The following TRPC6 variants were observed in gnomAD, a reference collection of about 807,000 sequenced individuals.
The protein encoded by TRPC6 is short transient receptor potential channel 6.
TRPC6 carries 55 observed loss-of-function variants against 90.7 expected under a neutral mutation model. The ratio of observed to expected loss-of-function variants is 0.61; its 90% CI spans 0.49 to 0.76. The LOEUF is 0.76. Ranked by LOEUF, TRPC6 falls within the 30% of genes least tolerant of loss-of-function variation. TRPC6 has a pLI of 0.00. For synonymous variants in TRPC6, 393 were observed against 393.0 expected (o/e 1.00, Z 0.00); for missense variants, 989 against 1,122.7 (o/e 0.88, Z 1.70).
intron 10 of TRPC6, among the ~76,000 whole-genome samples, chr11:101,464,352 T>G (rs1397102489): frequency 6.6e-6 from 1 of 151,958 alleles, no homozygotes; most frequent in Non-Finnish European, 1.5e-5. Flanking sequence ...TATCTTTAAT[T>G]TTCTGTCTTG....
chr11:101,536,905 C>T (rs981680422), intron 1 of TRPC6, among the ~76,000 whole-genome samples: 3 of 152,032 alleles, frequency 2.0e-5, no homozygotes, highest in South Asian at 2.1e-4. Context: ...GAGACTATTG[C>T]GGTACTCCAG....
At chr11:101,523,662 G>A (rs1375649881) in intron 1 of TRPC6, among the ~76,000 whole-genome samples, 1 of 152,152 alleles carries the variant, frequency 6.6e-6, no homozygotes, top group Non-Finnish European at 1.5e-5. Flanking sequence ...TCATTTCACA[G>A]ATACTTATTG....
Position 101,524,345 on chromosome 11 carries a change from T to A in TRPC6, c.171-19547A>T, listed in dbSNP as rs182409098. Among the ~76,000 whole-genome samples, 758 of 152,228 alleles carry A rather than the reference T, an allele frequency of 5.0e-3. 7 individuals are homozygous for A. Among genetic ancestry groups the A allele is most frequent in the South Asian group, 4.6e-3 (22 of 4,820 alleles). ...CTCACTGCAAGCTCCACCACCCAGG[T>A]TCACGCCATTCTACTGCCTCAGCCT... On this transcript the variant is annotated intron_variant, in intron 1 of 12. Coordinates refer to ENST00000344327, the MANE Select transcript of TRPC6 (RefSeq NM_004621.6).
intron 1 of TRPC6, among the ~76,000 whole-genome samples, chr11:101,573,217 T>TGAAATCATTTTGTATAAGGCAGGCATTA: frequency 2.0e-5 from 3 of 147,228 alleles, no homozygotes; most frequent in East Asian, 6.3e-4. Flanking sequence ...ATTTCACAAA[T>TGAAATCATTTTGTATAAGGCAGGCATTA]ATTTCTTGAG....
intron 10 of TRPC6, among the ~76,000 whole-genome samples, chr11:101,466,537 G>A (rs1200316257): frequency 6.6e-6 from 1 of 152,236 alleles, no homozygotes; most frequent in Non-Finnish European, 1.5e-5. Context: ...CTCAGCAATA[G>A]TGGATGGCCC....
chr11:101,478,608 T>G (rs1050480947), intron 5 of TRPC6, among the ~76,000 whole-genome samples: 1 of 152,122 alleles, frequency 6.6e-6, no homozygotes, highest in South Asian at 2.1e-4. Context: ...AAAGTTCGTG[T>G]CTCATTTGTC....
intron 1 of TRPC6, among the ~76,000 whole-genome samples, chr11:101,529,744 C>T (rs1183409242): frequency 6.6e-6 from 1 of 152,184 alleles, no homozygotes; most frequent in Admixed American, 6.5e-5. Flanking sequence ...CTCATATACC[C>T]ACACAGCAAG....
chr11:101,537,942 G>A (rs4360666), intron 1 of TRPC6, among the ~76,000 whole-genome samples: 23,394 of 152,074 alleles, frequency 0.15, 1,969 homozygotes, highest in Admixed American at 0.19. Context: ...GTAGTTTTAA[G>A]CGTATACATA....
At chr11:101,479,615 TC>T (rs1859499862) in intron 5 of TRPC6, among the ~76,000 whole-genome samples, 1 of 152,224 alleles carries the variant, frequency 6.6e-6, no homozygotes, top group African/African-American at 2.4e-5. Flanking sequence ...AGTACAACTT[TC>T]TTTCAAGAAT....
At chr11:101,556,735 A>G (rs1861568172) in intron 1 of TRPC6, among the ~76,000 whole-genome samples, 1 of 152,180 alleles carries the variant, frequency 6.6e-6, no homozygotes, top group South Asian at 2.1e-4. Context: ...TACCAAAGCC[A>G]GATGAGAGCT....
intron 11 of TRPC6, among the ~76,000 whole-genome samples, chr11:101,453,956 G>T (rs1858825067): frequency 6.6e-6 from 1 of 152,146 alleles, no homozygotes; most frequent in African/African-American, 2.4e-5. Context: ...TCTTAGAAAA[G>T]AATGTTTAGA....
intron 1 of TRPC6, among the ~76,000 whole-genome samples, chr11:101,515,951 GTTATT>G (rs113558542): frequency 1.7e-3 from 264 of 152,138 alleles, no homozygotes; most frequent in African/African-American, 5.9e-3. Context: ...CTTTATAGGT[GTTATT>G]TTATTTAATT....
chr11:101,516,882 G>A (rs1252435200), intron 1 of TRPC6, among the ~76,000 whole-genome samples: 1 of 152,234 alleles, frequency 6.6e-6, no homozygotes, highest in Non-Finnish European at 1.5e-5. Context: ...CATTACCTCA[G>A]AGGCGAGAGA....
chr11:101,484,898 G>A (rs930377217), intron 4 of TRPC6, among the ~76,000 whole-genome samples: 1 of 151,966 alleles, frequency 6.6e-6, no homozygotes, highest in Non-Finnish European at 1.5e-5. Flanking sequence ...ATATAGTGAT[G>A]TGTCAATACG....
chr11:101,453,084 C>T lies in TRPC6; in HGVS notation c.2667G>A (p.Gln889=), dbSNP rs200033070. Reference sequence around the variant, plus strand: ...GTTCATAGCGGAGACTTGAGATGTCCTGCTTAATTTCCTTCAGTTCCCCTT... The same window carrying T: ...GTTCATAGCGGAGACTTGAGATGTCTTGCTTAATTTCCTTCAGTTCCCCTT... ...VNEGELKEIK[Q]DISSLRYELL... is the part of the protein sequence containing the mutation. Residue 889 remains glutamine (Q), a synonymous_variant, in exon 13 of 13, where the codon CAG becomes CAA. Transcript: ENST00000344327. The T allele has an allele frequency of 6.2e-7, 1 of 1,613,484 alleles. No homozygotes were observed. Among genetic ancestry groups the T allele is most frequent in the Non-Finnish European group, 8.5e-7 (1 of 1,179,788 alleles).
At chr11:101,531,580 A>T (rs963220792) in intron 1 of TRPC6, among the ~76,000 whole-genome samples, 1 of 152,180 alleles carries the variant, frequency 6.6e-6, no homozygotes, top group African/African-American at 2.4e-5. Context: ...GATTTTACTG[A>T]AAGATTATTT....
intron 5 of TRPC6, among the ~76,000 whole-genome samples, chr11:101,477,006 TC>T (rs1442286005): frequency 2.0e-5 from 3 of 152,078 alleles, no homozygotes; most frequent in Non-Finnish European, 4.4e-5. Flanking sequence ...ATCACAGGCC[TC>T]ACCTACTGCC....
chr11:101,524,187 G>T (rs1860723314), intron 1 of TRPC6, among the ~76,000 whole-genome samples: 1 of 152,186 alleles, frequency 6.6e-6, no homozygotes, highest in Non-Finnish European at 1.5e-5. Flanking sequence ...GTTGATCAAG[G>T]TCCCTTAAGT....
At chr11:101,556,512 T>C (rs917263219) in intron 1 of TRPC6, among the ~76,000 whole-genome samples, 8 of 152,164 alleles carry the variant, frequency 5.3e-5, no homozygotes, top group South Asian at 2.1e-4. Flanking sequence ...CATGAAGAAA[T>C]AGAATATGTG....
Sources: gnomAD v4.1 joint callset for allele counts (sites outside exome capture counted in the v4.1 genomes callset) on GRCh38, gnomAD v4.1.1 for gene constraint, MANE v1.5 for transcripts, NCBI Gene and HGNC (gene_info 2026-07-23, HGNC 2026-07-21) for gene names.